The following ROBO2 variants were observed in gnomAD, a reference collection of about 807,000 sequenced individuals.
ROBO2 encodes roundabout homolog 2.
Under a neutral mutation model 160.8 loss-of-function variants are expected in ROBO2, and 53 were observed. The ratio of observed to expected loss-of-function variants is 0.33; its 90% CI spans 0.26 to 0.41. The LOEUF is 0.41. Among genes scored for constraint, ROBO2 ranks in the 10% least tolerant of loss-of-function variants. The probability of loss-of-function intolerance (pLI) is 1.00; values close to 1 mark genes in which losing one functional copy is unlikely to be tolerated. For synonymous variants in ROBO2, 664 were observed against 611.7 expected, an observed-to-expected ratio of 1.09 and a Z score of -1.26; for missense variants, 1,577 against 1,722.4, an observed-to-expected ratio of 0.92 and a Z score of 1.49.
At chr3:76,143,352 A>T (rs1160526843) in intron 2 of ROBO2, among the ~76,000 whole-genome samples, 1 of 152,054 alleles carries the variant, frequency 6.6e-6, no homozygotes, top group Non-Finnish European at 1.5e-5. Flanking sequence ...TTAAATCCCT[A>T]GCCCCATCCT....
intron 16 of ROBO2, among the ~76,000 whole-genome samples, chr3:77,586,682 G>T (rs934211017): frequency 6.6e-6 from 1 of 151,728 alleles, no homozygotes; most frequent in African/African-American, 2.4e-5. Context: ...TTACAAAAAT[G>T]AAGGCCAAAT....
At chr3:76,467,587 C>A (rs1237856119) in intron 2 of ROBO2, among the ~76,000 whole-genome samples, 1 of 152,072 alleles carries the variant, frequency 6.6e-6, no homozygotes, top group Non-Finnish European at 1.5e-5. Context: ...AATTTAACAG[C>A]CAGCTGTCCA....
chr3:76,607,263 G>A (rs2087738744), intron 2 of ROBO2, among the ~76,000 whole-genome samples: 2 of 152,120 alleles, frequency 1.3e-5, no homozygotes, highest in African/African-American at 4.8e-5. Flanking sequence ...TCCTGGACAT[G>A]AGCAATCCTC....
intron 2 of ROBO2, among the ~76,000 whole-genome samples, chr3:76,351,710 C>T (rs913456094): frequency 6.6e-6 from 1 of 151,904 alleles, no homozygotes; most frequent in East Asian, 1.9e-4. Flanking sequence ...ACCTCACATA[C>T]ATGTAAATAT....
chr3:77,580,280 T>C (rs564188426), intron 16 of ROBO2, among the ~76,000 whole-genome samples, 162 bp downstream of exon 17: 4 of 152,172 alleles, frequency 2.6e-5, no homozygotes, highest in Non-Finnish European at 5.9e-5. Context: ...TTTACAAAAA[T>C]ACTTGGTGCA....
rs147822639 is a variant in ROBO2 at position 76,540,106 on chromosome 3, A to G, written c.110-557908A>G. ...ATTCCTGTAACAGAGTTGAGTATGC[A>G]TGAGGAAACAAAAAAAAAAGGTTTG... On this transcript the variant is annotated intron_variant, in intron 2 of 26. Transcript: ENST00000487694. Among the ~76,000 whole-genome samples, 783 of 152,188 alleles carry G rather than the reference A, an allele frequency of 5.1e-3. 7 individuals carry two copies. The highest frequency in any genetic ancestry group is 0.01 in the Middle Eastern group (3 of 294).
At chr3:77,207,284 A>G (rs1224464598) in intron 2 of ROBO2, among the ~76,000 whole-genome samples, 1 of 152,148 alleles carries the variant, frequency 6.6e-6, no homozygotes, top group African/African-American at 2.4e-5. Flanking sequence ...TTCTTTTTCT[A>G]TCTATTTTAG....
At chr3:76,445,516 G>A (rs1269995743) in intron 2 of ROBO2, among the ~76,000 whole-genome samples, 1 of 152,084 alleles carries the variant, frequency 6.6e-6, no homozygotes, top group Non-Finnish European at 1.5e-5. Flanking sequence ...AGAAAAAGAG[G>A]GAATCCTCCC....
At chr3:77,432,522 A>G (rs567720547) in intron 2 of ROBO2, among the ~76,000 whole-genome samples, 150 of 152,232 alleles carry the variant, frequency 9.9e-4, no homozygotes, top group African/African-American at 3.5e-3. Context: ...TGGGGAAGCT[A>G]TTGTCCCTGG....
chr3:76,215,309 G>C (rs569508993), intron 2 of ROBO2, among the ~76,000 whole-genome samples: 1 of 152,312 alleles, frequency 6.6e-6, no homozygotes, highest in East Asian at 1.9e-4. Context: ...AAGCTGGATG[G>C]AGAATGACTT....
Position 77,380,847 on chromosome 3 carries a change from T to G in ROBO2, c.389-96567T>G, listed in dbSNP as rs145831537. Among the ~76,000 whole-genome samples the G allele has an allele frequency of 5.1e-3, 780 of 152,212 alleles. 1 individual carries two copies. Among genetic ancestry groups the G allele is most frequent in the Non-Finnish European group, 8.4e-3 (571 of 68,008 alleles). On this transcript the variant is annotated intron_variant, in intron 2 of 25. Transcript: ENST00000461745. ...GCGCTGTCTCAAATGGCAAATGTTT[T>G]AAACCCTGATCTTTTGATGCACTTC... is the stretch of plus-strand genomic sequence containing the variant.
chr3:77,269,637 C>T (rs1250273651), intron 2 of ROBO2, among the ~76,000 whole-genome samples: 2 of 152,006 alleles, frequency 1.3e-5, no homozygotes, highest in African/African-American at 4.8e-5. Flanking sequence ...ATATATTTGC[C>T]TATAAAAAGG....
chr3:76,930,406 G>C (rs148922752), intron 2 of ROBO2, among the ~76,000 whole-genome samples: 330 of 152,230 alleles, frequency 2.2e-3, no homozygotes, highest in Non-Finnish European at 3.0e-3. Flanking sequence ...TCACCTGACT[G>C]TGCTATAGAA....
intron 2 of ROBO2, among the ~76,000 whole-genome samples, chr3:76,418,380 A>G (rs1233362810): frequency 6.6e-6 from 1 of 151,812 alleles, no homozygotes; most frequent in Non-Finnish European, 1.5e-5. Flanking sequence ...AGCTGGGACT[A>G]CAGGTGAATG....
At chr3:76,095,320 A>G (rs2069396023) in intron 2 of ROBO2, among the ~76,000 whole-genome samples, 2 of 152,112 alleles carry the variant, frequency 1.3e-5, no homozygotes, top group African/African-American at 2.4e-5. Context: ...ATGTAAGAGA[A>G]AAAATTAATG....
intron 2 of ROBO2, among the ~76,000 whole-genome samples, chr3:77,022,554 A>T (rs148277856): frequency 6.6e-6 from 1 of 152,340 alleles, no homozygotes; most frequent in Non-Finnish European, 1.5e-5. Context: ...TCCATTCTTC[A>T]TCAAACTTAA....
chr3:77,389,421 C>G lies in ROBO2; in HGVS notation c.389-87993C>G, dbSNP rs573225691. ...GTAGCCCCATGCGGGCTTGTGGCTA[C>G]TTTATTAGGCACCACAGACATAAAA... On this transcript the variant is annotated intron_variant, in intron 2 of 25. Coordinates refer to ENST00000461745, the Ensembl canonical transcript of ROBO2. Among the ~76,000 whole-genome samples the G allele has an allele frequency of 1.8e-4, 28 of 152,226 alleles. No individual in the cohort carries two copies. The East Asian group carries it at 2.7e-3, about 15-fold the overall frequency.
At chr3:76,830,773 T>A (rs1342295668) in intron 2 of ROBO2, among the ~76,000 whole-genome samples, 1 of 149,886 alleles carries the variant, frequency 6.7e-6, no homozygotes, top group Non-Finnish European at 1.5e-5. Context: ...GACCCAGAAT[T>A]TGAGATGACG....
At chr3:76,513,445 T>C (rs1012066231) in intron 2 of ROBO2, among the ~76,000 whole-genome samples, 1 of 152,076 alleles carries the variant, frequency 6.6e-6, no homozygotes, top group Non-Finnish European at 1.5e-5. Context: ...CTCCACCTCC[T>C]TCCTGGGTTC....
Sources: allele counts gnomAD v4.1 joint callset (sites outside exome capture counted in the v4.1 genomes callset), GRCh38; gene constraint gnomAD v4.1.1; transcripts MANE v1.5; gene names NCBI Gene and HGNC (gene_info 2026-07-23, HGNC 2026-07-21).